Variants in PRLR observed in about 807,000 individuals in gnomAD.
PRLR encodes the protein hPRL receptor.
In PRLR, 13 loss-of-function variants were observed where a neutral mutation model predicts 40.2. The observed-to-expected ratio is 0.32, with a 90% CI of 0.21 to 0.51. The LOEUF (loss-of-function observed/expected upper bound fraction) is 0.51. PRLR is among the 20% of genes least tolerant of loss of function. The probability of loss-of-function intolerance (pLI) is 0.97; values close to 1 mark genes in which losing one functional copy is unlikely to be tolerated. For synonymous variants in PRLR, 269 were observed against 278.7 expected (o/e 0.97, Z 0.35); for missense variants, 656 against 747.3 (o/e 0.88, Z 1.42).
At chr5:35,154,959 A>C (rs61088385) in intron 1 of PRLR, among the ~76,000 whole-genome samples, 8,070 of 146,236 alleles carry the variant, frequency 0.055, 793 homozygotes, top group African/African-American at 0.19. Flanking sequence ...GACACATTGC[A>C]GGGACCAACA....
At chr5:35,162,771 C>T (rs1407178475) in intron 1 of PRLR, among the ~76,000 whole-genome samples, 1 of 152,190 alleles carries the variant, frequency 6.6e-6, no homozygotes, top group African/African-American at 2.4e-5. Flanking sequence ...TCTCCACATG[C>T]CTCGTCCCTG....
chr5:35,226,509 T>C (rs546315761), intron 1 of PRLR, among the ~76,000 whole-genome samples: 2 of 152,374 alleles, frequency 1.3e-5, no homozygotes, highest in East Asian at 1.9e-4. Context: ...TCCCCCTATA[T>C]ACAAGTCAAC....
chr5:35,061,122 C>CTATATATA lies in PRLR; in HGVS notation c.*3959_*3966dup. On this transcript the variant is annotated 3_prime_UTR_variant, in exon 10 of 10. Transcript: ENST00000618457. ...CATTCATACATATCTATATCTATAT[C>CTATATATA]TATATATATATATAATCCCTATAAG... is the stretch of plus-strand genomic sequence containing the variant. The CTATATATA allele has an allele frequency of 6.6e-6, 1 of 150,860 alleles. No individual in the cohort carries two copies. The highest frequency in any genetic ancestry group is 2.1e-4 in the South Asian group (1 of 4,774). 9.3% of individuals were successfully genotyped at this position (150,860 alleles called of 1,614,324 possible). A position where few individuals can be genotyped will look rare whatever the true frequency, so the allele number is the denominator to read the frequency against.
In PRLR at chr5:35,065,842, G is replaced by A. The variant is rs1769334777; in HGVS notation, c.1116C>T (p.Ser372=). 6.2e-7 allele frequency: 1 copy of A among 1,614,166 alleles called. No homozygotes were observed. The highest frequency in any genetic ancestry group is 1.1e-5 in the South Asian group (1 of 91,080). ...CAATGACCTCAGGATCATAGAATGTGGAGGGATTGGCCTGGGGTTCCTCAC... is the reference window on the plus strand; with the variant it reads ...CAATGACCTCAGGATCATAGAATGTAGAGGGATTGGCCTGGGGTTCCTCAC... The part of the protein sequence containing the change: ...EKCEEPQANP[S]TFYDPEVIEK... The change falls in exon 10 of 10, where the codon TCC becomes TCT. Residue 372 remains serine, a synonymous_variant. Coordinates refer to ENST00000618457, the MANE Select transcript of PRLR (RefSeq NM_000949.7).
intron 2 of PRLR, among the ~76,000 whole-genome samples, chr5:35,107,197 T>C (rs1029048659): frequency 6.6e-6 from 1 of 152,186 alleles, no homozygotes; most frequent in Non-Finnish European, 1.5e-5. Flanking sequence ...AGACACTACA[T>C]ACCAGAATCT....
intron 1 of PRLR, among the ~76,000 whole-genome samples, chr5:35,169,180 G>T (rs1446495168): frequency 6.6e-6 from 1 of 152,134 alleles, no homozygotes; most frequent in Admixed American, 6.5e-5. Flanking sequence ...GCAAGGAACT[G>T]GATGCTTGTC....
At chr5:35,055,380 G>A (rs951459446), downstream of PRLR, among the ~76,000 whole-genome samples, 1 of 151,740 alleles carries the variant, frequency 6.6e-6, no homozygotes, top group Non-Finnish European at 1.5e-5. Flanking sequence ...TTTAAGGCTC[G>A]AGTCTGGCAG....
At chr5:35,107,997 C>G (rs573683875) in intron 2 of PRLR, among the ~76,000 whole-genome samples, 10 of 152,280 alleles carry the variant, frequency 6.6e-5, no homozygotes, top group South Asian at 6.2e-4. Context: ...CAAACTGAAT[C>G]CAGCAGCACA....
intron 1 of PRLR, among the ~76,000 whole-genome samples, chr5:35,171,371 T>C (rs1774991978): frequency 6.6e-6 from 1 of 152,202 alleles, no homozygotes; most frequent in South Asian, 2.1e-4. Flanking sequence ...GTCCTAAAAC[T>C]TGAGCCTGCC....
intron 1 of PRLR, among the ~76,000 whole-genome samples, chr5:35,198,931 G>A (rs962138311): frequency 5.9e-5 from 9 of 152,130 alleles, no homozygotes; most frequent in African/African-American, 1.2e-4. Flanking sequence ...TCTGCTCTCC[G>A]TGAAGCCTTT....
intron 1 of PRLR, among the ~76,000 whole-genome samples, chr5:35,145,220 G>GT (rs1774148731): frequency 6.6e-6 from 1 of 152,140 alleles, no homozygotes; most frequent in African/African-American, 2.4e-5. Context: ...ATACCCATCT[G>GT]TTTTTTCTAT....
chr5:35,226,880 C>T lies in PRLR; in HGVS notation c.-106+3388G>A, dbSNP rs1776567238. ...CTGGGATCCTGTGTGTCTCATTCCC[C>T]ACTGTGTCATCAAGTGCCCAGCACA... is the stretch of plus-strand genomic sequence containing the variant. On this transcript the variant is annotated intron_variant, in intron 1 of 9. Coordinates refer to ENST00000618457, the MANE Select transcript of PRLR (RefSeq NM_000949.7). Among the ~76,000 whole-genome samples the T allele has an allele frequency of 2.0e-5, 3 of 152,348 alleles. No homozygotes were observed. In the South Asian group the frequency reaches 6.2e-4, roughly 32 times the overall value.
chr5:35,076,984 C>G (rs1445043111), intron 5 of PRLR, among the ~76,000 whole-genome samples: 1 of 152,158 alleles, frequency 6.6e-6, no homozygotes, highest in Non-Finnish European at 1.5e-5. Context: ...ACTTTACAGA[C>G]AAGCAAATGC....
chr5:35,178,301 G>A (rs924788629), intron 1 of PRLR, among the ~76,000 whole-genome samples: 7 of 152,120 alleles, frequency 4.6e-5, no homozygotes, highest in Admixed American at 4.6e-4. Flanking sequence ...CTTGCTCTTA[G>A]GAGCTGAGTA....
intron 1 of PRLR, among the ~76,000 whole-genome samples, chr5:35,167,140 TCTA>T (rs1774858658): frequency 5.3e-5 from 2 of 38,038 alleles, no homozygotes; most frequent in African/African-American, 2.2e-4. Context: ...TTGTCTATCA[TCTA>T]TCTATCTATC....
intron 1 of PRLR, among the ~76,000 whole-genome samples, chr5:35,200,486 T>C (rs1775850686): frequency 6.6e-6 from 1 of 152,198 alleles, no homozygotes; most frequent in Admixed American, 6.5e-5. Context: ...TTATATATTC[T>C]TCGTGAAGGG....
Position 35,065,161 on chromosome 5 carries a change from T to G in PRLR, c.1797A>C (p.Ser599=). ...CACCCAGCTGGAGCCTGCACTTGCT[T>G]GATGTTGCAGTGAAGTTGGCCAGGG... ...EKALANFTAT[S]SKCRLQLGGL... The change falls in exon 10 of 10, where the codon TCA becomes TCC. Residue 599 remains serine (S), a synonymous_variant. Coordinates refer to ENST00000618457, the MANE Select transcript of PRLR (RefSeq NM_000949.7). 6.2e-7 allele frequency: 1 copy of G among 1,614,190 alleles called. No homozygotes were observed. Among genetic ancestry groups the G allele is most frequent in the East Asian group, 2.2e-5 (1 of 44,878 alleles).
chr5:35,182,129 C>A (rs1040978692), intron 1 of PRLR, among the ~76,000 whole-genome samples: 3 of 152,004 alleles, frequency 2.0e-5, no homozygotes, highest in African/African-American at 7.3e-5. Context: ...CAAATGAAAC[C>A]TTTGTGAAGA....
chr5:35,079,579 C>G (rs1403728358), intron 5 of PRLR, among the ~76,000 whole-genome samples: 4 of 152,184 alleles, frequency 2.6e-5, no homozygotes, highest in Non-Finnish European at 5.9e-5. Flanking sequence ...AATGGAAGAA[C>G]ATTCCATGCT....
Sources: gnomAD v4.1 joint callset for allele counts (sites outside exome capture counted in the v4.1 genomes callset) on GRCh38, gnomAD v4.1.1 for gene constraint, MANE v1.5 for transcripts, NCBI Gene and HGNC (gene_info 2026-07-23, HGNC 2026-07-21) for gene names.